DNAJC11: variants seen among roughly 807,000 people sequenced by gnomAD.
DNAJC11 encodes dnaJ homolog subfamily C member 11.
In DNAJC11, 15 loss-of-function variants were observed where a neutral mutation model predicts 78.6. The ratio of observed to expected loss-of-function variants is 0.19; its 90% CI spans 0.13 to 0.29. The LOEUF is 0.29. Ranked by LOEUF, DNAJC11 falls within the 10% of genes least tolerant of loss-of-function variation. DNAJC11 has a pLI of 1.00. For synonymous variants in DNAJC11, 292 were observed against 272.1 expected (o/e 1.07, Z -0.72); for missense variants, 547 against 709.6 (o/e 0.77, Z 2.60).
At chr1:6,661,102 T>C (rs567837426) in intron 4 of DNAJC11, among the ~76,000 whole-genome samples, 1 of 152,242 alleles carries the variant, frequency 6.6e-6, no homozygotes, top group East Asian at 1.9e-4. Context: ...TGTGTAGTGA[T>C]GGTCACAATC....
intron 7 of DNAJC11, among the ~76,000 whole-genome samples, chr1:6,650,000 G>A (rs1642029484): frequency 6.6e-6 from 1 of 152,022 alleles, no homozygotes; most frequent in African/African-American, 2.4e-5. Flanking sequence ...TCATGCCACT[G>A]TGCCTGGGCA....
At chr1:6,676,483 C>G (rs909691781) in intron 3 of DNAJC11, among the ~76,000 whole-genome samples, 18 of 151,890 alleles carry the variant, frequency 1.2e-4, no homozygotes, top group Admixed American at 6.6e-5. Context: ...AGTTTGAGAC[C>G]AGCCTGGGCA....
At chr1:6,649,711 A>C (rs1333702234) in intron 7 of DNAJC11, among the ~76,000 whole-genome samples, 5 of 147,864 alleles carry the variant, frequency 3.4e-5, no homozygotes, top group Admixed American at 6.7e-5. Flanking sequence ...GTAATAACTA[A>C]CTTTTTTTTT....
intron 3 of DNAJC11, among the ~76,000 whole-genome samples, chr1:6,671,326 TC>T (rs1642376298): frequency 1.3e-5 from 2 of 152,192 alleles, no homozygotes; most frequent in South Asian, 4.1e-4. Context: ...CACTGCAAGC[TC>T]CGCCTCCCGG....
At position 6,693,050 on chromosome 1, in the gene DNAJC11, C is replaced by A. The variant is rs144927445; in HGVS notation, c.72+8679G>T. On this transcript the variant is annotated intron_variant, in intron 1 of 15. Coordinates refer to ENST00000377577, the MANE Select transcript of DNAJC11 (RefSeq NM_018198.4). The stretch of plus-strand genomic sequence containing the variant: ...CCTCCCAAGTAGCTGGGATTACAGG[C>A]GAGCATCACCACACCCGGCTAATTT... Among the ~76,000 whole-genome samples, 161 of 151,902 alleles carry A rather than the reference C, an allele frequency of 1.1e-3. 1 individual carries two copies. The East Asian group carries it at 0.013, about 12-fold the overall frequency.
At chr1:6,635,899 G>A (rs1018703130) in intron 15 of DNAJC11, among the ~76,000 whole-genome samples, 199 bp from the exon 16 acceptor site, 2 of 152,168 alleles carry the variant, frequency 1.3e-5, no homozygotes, top group African/African-American at 2.4e-5. Flanking sequence ...AGTTTCCAAC[G>A]CGCTCACTCT....
chr1:6,670,346 T>A (rs923203363), intron 3 of DNAJC11: 9 of 152,120 alleles, frequency 5.9e-5, no homozygotes, highest in Non-Finnish European at 1.2e-4. Context: ...CACACTCAAT[T>A]TTTTTTGTAT....
intron 7 of DNAJC11, among the ~76,000 whole-genome samples, chr1:6,646,471 A>G (rs1641967792): frequency 6.6e-6 from 1 of 152,146 alleles, no homozygotes; most frequent in Non-Finnish European, 1.5e-5. Flanking sequence ...AATGATTCCA[A>G]TGTGCAGTAG....
At chr1:6,674,289 G>A (rs1211980563) in intron 3 of DNAJC11, among the ~76,000 whole-genome samples, 2 of 151,998 alleles carry the variant, frequency 1.3e-5, no homozygotes, top group Non-Finnish European at 2.9e-5. Flanking sequence ...GGCTGGGCAC[G>A]GTGGCTCACA....
intron 4 of DNAJC11, 59 bp from the exon 5 acceptor site, chr1:6,654,098 T>C: frequency 6.3e-7 from 1 of 1,591,944 alleles, no homozygotes; most frequent in Non-Finnish European, 8.6e-7. Flanking sequence ...TGAAAGACAA[T>C]GCTACACTTC....
rs1334426429 is a variant in DNAJC11, at chr1:6,634,335, CAG to C, written c.*1338_*1339del. The C allele has an allele frequency of 1.8e-6, 2 of 1,084,720 alleles. No individual in the cohort carries two copies. The highest frequency in any genetic ancestry group is 2.5e-6 in the Non-Finnish European group (2 of 791,040). 67.2% of individuals were successfully genotyped at this position (1,084,720 alleles called of 1,614,324 possible). A position where few individuals can be genotyped will look rare whatever the true frequency, so the allele number is the denominator to read the frequency against. On this transcript the variant is annotated 3_prime_UTR_variant, in exon 16 of 16. Coordinates refer to ENST00000377577, the MANE Select transcript of DNAJC11 (RefSeq NM_018198.4). ...ACCGCGGCTCGGGCCGTGGGGCCGT[CAG>C]AGAAACCTTTTTAAAAAATGGAGAT...
At chr1:6,636,316 C>G in intron 14 of DNAJC11, 70 bp from the exon 15 acceptor site, 1 of 1,577,208 alleles carries the variant, frequency 6.3e-7, no homozygotes, top group Non-Finnish European at 8.6e-7. Flanking sequence ...TCACTACCAC[C>G]GGAGGGGCAG....
chr1:6,661,558 C>T (rs1388589253), intron 4 of DNAJC11, among the ~76,000 whole-genome samples: 1 of 152,210 alleles, frequency 6.6e-6, no homozygotes, highest in Non-Finnish European at 1.5e-5. Flanking sequence ...TTCATTATCA[C>T]AGTGCTTTCC....
chr1:6,676,053 A>G (rs1642458090), intron 3 of DNAJC11, among the ~76,000 whole-genome samples: 1 of 152,198 alleles, frequency 6.6e-6, no homozygotes. Flanking sequence ...TTTTTGGATG[A>G]GAAAATGCTA....
rs1157339417 is a variant in DNAJC11 at position 6,685,607 on chromosome 1, C to T, written c.73-4570G>A. ...CCAGCCAATCAGGACTCACCTGTATCAACCAATCAGAACTAAGCAAGTTTC... is the reference window on the plus strand; with the variant it reads ...CCAGCCAATCAGGACTCACCTGTATTAACCAATCAGAACTAAGCAAGTTTC... On this transcript the variant is annotated intron_variant, in intron 1 of 15. Transcript: ENST00000377577. 2.0e-5 allele frequency among the ~76,000 whole-genome samples: 3 copies of T among 152,316 alleles called. No homozygotes were observed. In the East Asian group the frequency reaches 5.8e-4, roughly 29 times the overall value.
chr1:6,646,559 T>C (rs1641968925), intron 7 of DNAJC11, among the ~76,000 whole-genome samples: 1 of 152,180 alleles, frequency 6.6e-6, no homozygotes, highest in Admixed American at 6.5e-5. Flanking sequence ...CAGTATATTT[T>C]TGGAGCTGCT....
chr1:6,656,886 A>G (rs1488199038), intron 4 of DNAJC11, among the ~76,000 whole-genome samples: 2 of 152,130 alleles, frequency 1.3e-5, no homozygotes, highest in East Asian at 3.8e-4. Flanking sequence ...ACTGCACTCT[A>G]GCCTGGGTGA....
chr1:6,637,470 A>T lies in DNAJC11; in HGVS notation c.1358T>A (p.Ile453Asn), dbSNP rs200927563. 68 of 1,614,074 alleles carry T rather than the reference A, an allele frequency of 4.2e-5. No homozygotes were observed. Among genetic ancestry groups the T allele is most frequent in the Non-Finnish European group, 5.5e-5 (65 of 1,180,052 alleles). The change falls in exon 13 of 16, where the codon ATT (isoleucine) becomes AAT (asparagine). Residue 453 changes from isoleucine to asparagine, a missense_variant. Physicochemically the swap from Ile to Asn is moderately radical, Grantham distance 149. Transcript: ENST00000377577. ...RLMQESVRRI[I>N]EAEESRMGLI... ...ACCCATTCTGGACTCTTCTGCCTCA[A>T]TTATCCTTCGGACAGATTCCTGCAT...
At chr1:6,699,027 C>T (rs1213994412) in intron 1 of DNAJC11, among the ~76,000 whole-genome samples, 2 of 148,210 alleles carry the variant, frequency 1.3e-5, no homozygotes, top group African/African-American at 5.0e-5. Context: ...CAGGCCTGGC[C>T]AGGCATGGTG....
Sources: gnomAD v4.1 joint callset for allele counts (sites outside exome capture counted in the v4.1 genomes callset) on GRCh38, gnomAD v4.1.1 for gene constraint, MANE v1.5 for transcripts, NCBI Gene and HGNC (gene_info 2026-07-23, HGNC 2026-07-21) for gene names.